Variants in IGF2 observed in about 807,000 individuals in gnomAD.
IGF2 encodes insulin like growth factor 2, also known as insulin-like growth factor 2.
In IGF2, 2 loss-of-function variants were observed where a neutral mutation model predicts 12.0. That is an observed-to-expected ratio of 0.17 (90% CI 0.07 to 0.52). The LOEUF (loss-of-function observed/expected upper bound fraction) is 0.52. Ranked by LOEUF, IGF2 falls within the 20% of genes least tolerant of loss-of-function variation. The probability of loss-of-function intolerance (pLI) is 0.95; values close to 1 mark genes in which losing one functional copy is unlikely to be tolerated. For missense variants in IGF2, 211 were observed against 268.0 expected, an observed-to-expected ratio of 0.79 and a Z score of 1.48; for synonymous variants, 105 against 110.1, an observed-to-expected ratio of 0.95 and a Z score of 0.29.
In IGF2 at chr11:2,133,482, C is replaced by A; in HGVS notation, c.306+35G>T. On this transcript the variant is annotated intron_variant, in intron 3 of 3. Coordinates refer to ENST00000416167, the MANE Select transcript of IGF2 (RefSeq NM_000612.6). This position sits in a 1 kb window ranked among gnomAD's most constrained non-coding sequence, Gnocchi z 8.9. ...GGCGCCCGAAGCCCTATTTCTCTGT[C>A]TCTAGAGAGTGGGAAAGGGGCCCAG... 6.3e-7 allele frequency: 1 copy of A among 1,595,266 alleles called. No homozygotes were observed. The highest frequency in any genetic ancestry group is 8.5e-7 in the Non-Finnish European group (1 of 1,171,428).
Position 2,138,223 on chromosome 11 carries a change from G to A in IGF2, c.-7+6C>T. On this transcript the variant is annotated splice_donor_region_variant and intron_variant, in intron 1 of 3. Coordinates refer to ENST00000416167, the MANE Select transcript of IGF2 (RefSeq NM_000612.6). Reference sequence around the variant, plus strand: ...GGCCCCGGCCCGGCCCGCACACGCCGCTTACCTGGAAGCCGGCGACGCTGC... The same window carrying A: ...GGCCCCGGCCCGGCCCGCACACGCCACTTACCTGGAAGCCGGCGACGCTGC... 4 of 984,840 alleles carry A rather than the reference G, an allele frequency of 4.1e-6. No homozygotes were observed. The highest frequency in any genetic ancestry group is 4.8e-6 in the Non-Finnish European group (4 of 829,716). 61.0% of individuals were successfully genotyped at this position (984,840 alleles called of 1,614,324 possible).
At chr11:2,145,761 T>G (rs1467633978), upstream of IGF2, among the ~76,000 whole-genome samples, 1 of 152,132 alleles carries the variant, frequency 6.6e-6, no homozygotes, top group African/African-American at 2.4e-5. Flanking sequence ...TGGGGCTGCC[T>G]GCTGAGTGCT....
the IGF2 span, chr11:2,149,566 C>T: frequency 3.3e-6 from 2 of 603,044 alleles, no homozygotes; most frequent in Non-Finnish European, 5.9e-6. Flanking sequence ...GCAGCTGGCT[C>T]AGGCACTTTC....
At chr11:2,147,160 C>T in the IGF2 span, 2 of 156,276 alleles carry the variant, frequency 1.3e-5, no homozygotes, top group African/African-American at 4.8e-5. The surrounding 1 kb of genome is among the most constrained non-coding windows in gnomAD (Gnocchi z 7.2). Flanking sequence ...TCTCACAGCC[C>T]CCAGCAGAGC....
Position 2,138,920 on chromosome 11 carries a change from G to A in IGF2, c.-698C>T, listed in dbSNP as rs1241423697. ...GGACCGCGGGCGCCCAGCTCGGTTT[G>A]GGCCGACGGAGCCCTCTGCCGTCGC... On this transcript the variant is annotated 5_prime_UTR_variant, in exon 1 of 4. Transcript: ENST00000416167. 2 of 984,674 alleles carry A rather than the reference G, an allele frequency of 2.0e-6. No individual in the cohort carries two copies. The highest frequency in any genetic ancestry group is 6.1e-5 in the Admixed American group (1 of 16,262). The allele number at this position is 984,674 out of a possible 1,614,324, so 61.0% of individuals were successfully genotyped here. A position where few individuals can be genotyped will look rare whatever the true frequency, so the allele number is the denominator to read the frequency against.
chr11:2,142,218 A>AT (rs1239966401), upstream of IGF2, among the ~76,000 whole-genome samples: 4 of 151,776 alleles, frequency 2.6e-5, no homozygotes, highest in Non-Finnish European at 5.9e-5. The surrounding 1 kb of genome is among the most constrained non-coding windows in gnomAD (Gnocchi z 5.7). Flanking sequence ...AAAAAAAAAA[A>AT]AACCTCAATT....
the IGF2 span, chr11:2,149,266 C>T: frequency 6.2e-7 from 1 of 1,613,786 alleles, no homozygotes; most frequent in South Asian, 1.1e-5. Flanking sequence ...CAGTCACCAC[C>T]AAAGCAGGGG....
chr11:2,130,712 A>G lies in IGF2; in HGVS notation c.*2275T>C. Reference sequence around the variant, plus strand: ...TGCAAGTCTGCTGTCAATCCTCCTGACTTTTCCATCCAAAATCTCCCGGGA... The same window carrying G: ...TGCAAGTCTGCTGTCAATCCTCCTGGCTTTTCCATCCAAAATCTCCCGGGA... On this transcript the variant is annotated 3_prime_UTR_variant, in exon 4 of 4. Coordinates refer to ENST00000416167, the MANE Select transcript of IGF2 (RefSeq NM_000612.6). 1 of 200,540 alleles carries G rather than the reference A, an allele frequency of 5.0e-6. No homozygotes were observed. 12.4% of individuals were successfully genotyped at this position (200,540 alleles called of 1,614,324 possible).
intron 1 of IGF2, among the ~76,000 whole-genome samples, chr11:2,136,180 C>G (rs1859033061): frequency 6.6e-6 from 1 of 152,220 alleles, no homozygotes; most frequent in African/African-American, 2.4e-5. Context: ...ATGGTTAACA[C>G]AACCACGCCA....
chr11:2,137,738 G>A (rs1458402571), intron 1 of IGF2, among the ~76,000 whole-genome samples: 1 of 152,160 alleles, frequency 6.6e-6, no homozygotes, highest in Non-Finnish European at 1.5e-5. Flanking sequence ...TGTGGCGTCT[G>A]CCATGACTCC....
chr11:2,149,455 A>G, the IGF2 span: 19 of 936,836 alleles, frequency 2.0e-5, no homozygotes, highest in South Asian at 3.0e-5. Context: ...AACTGAAATG[A>G]TGGGTTTACC....
Position 2,130,854 on chromosome 11 carries a change from T to C in IGF2, c.*2133A>G, listed in dbSNP as rs927688652. On this transcript the variant is annotated 3_prime_UTR_variant, in exon 4 of 4. Transcript: ENST00000416167. ...TGCACGGCCCCCGAGGACTCCACAT[T>C]TCTTGGGGGGTCCCCAGGAGACGGG... 6.9e-5 allele frequency: 12 copies of C among 173,224 alleles called. No homozygotes were observed. The highest frequency in any genetic ancestry group is 1.5e-4 in the African/African-American group (6 of 40,960). 10.7% of individuals were successfully genotyped at this position (173,224 alleles called of 1,614,324 possible).
chr11:2,133,298 C>G lies in IGF2; in HGVS notation c.307-75G>C. 8.8e-7 allele frequency: 1 copy of G among 1,135,796 alleles called. No homozygotes were observed. The highest frequency in any genetic ancestry group is 1.6e-5 in the African/African-American group (1 of 64,134). 70.4% of individuals were successfully genotyped at this position (1,135,796 alleles called of 1,614,324 possible). On this transcript the variant is annotated intron_variant, in intron 3 of 3. Coordinates refer to ENST00000416167, the MANE Select transcript of IGF2 (RefSeq NM_000612.6). This position sits in a 1 kb window ranked among gnomAD's most constrained non-coding sequence, Gnocchi z 8.9. ...CGCCTGAGCCGCCCGCCTGACCTGA[C>G]AGGCCACCCCTGTGACTGATCAGTG...
chr11:2,146,474 C>T, the IGF2 span: 2 of 511,910 alleles, frequency 3.9e-6, no homozygotes, highest in Non-Finnish European at 4.0e-6. Context: ...TGCAACCCTC[C>T]ACACCAGACA....
chr11:2,133,087 G>T lies in IGF2; in HGVS notation c.443C>A (p.Ala148Glu), dbSNP rs368814253. The T allele has an allele frequency of 1.2e-6, 2 of 1,607,858 alleles. No homozygotes were observed. The highest frequency in any genetic ancestry group is 1.7e-6 in the Non-Finnish European group (2 of 1,176,898). ...RGHVLAKELE[A>E]FREAKRHRPL... ...ACGGTGACGTTTGGCCTCCCTGAAC[G>T]CCTCGAGCTCCTTGGCGAGCACGTG... Residue 148 changes from alanine to glutamate, a missense_variant, in exon 4 of 4, where the codon GCG (alanine) becomes GAG (glutamate). Physicochemically the swap from Ala to Glu is moderately radical, Grantham distance 107 (BLOSUM62 -1). Coordinates refer to ENST00000416167, the MANE Select transcript of IGF2 (RefSeq NM_000612.6). The surrounding 1 kb of genome is among the most constrained non-coding windows in gnomAD (Gnocchi z 8.9).
At chr11:2,140,126 A>T (rs1005263841), upstream of IGF2, 1 of 1,611,828 alleles carries the variant, frequency 6.2e-7, no homozygotes. Flanking sequence ...AACACAGCTC[A>T]AATCCTACCT....
rs551471446 is a variant in IGF2 at position 2,130,436 on chromosome 11, C to T, written c.*2551G>A. Reference sequence around the variant, plus strand: ...AACAGGGACAGATGAAAAACAAAATCCAATCAGGGCGATAAATGGCGGGGG... The same window carrying T: ...AACAGGGACAGATGAAAAACAAAATTCAATCAGGGCGATAAATGGCGGGGG... On this transcript the variant is annotated 3_prime_UTR_variant, in exon 4 of 4. Transcript: ENST00000416167. 87 of 228,328 alleles carry T rather than the reference C, an allele frequency of 3.8e-4. No homozygotes were observed. Among genetic ancestry groups the T allele is most frequent in the Non-Finnish European group, 5.5e-4 (63 of 115,090 alleles). The allele number at this position is 228,328 out of a possible 1,614,324, so 14.1% of individuals were successfully genotyped here.
At chr11:2,142,149 T>C (rs753575335), upstream of IGF2, among the ~76,000 whole-genome samples, 1 of 151,216 alleles carries the variant, frequency 6.6e-6, no homozygotes, top group Non-Finnish European at 1.5e-5. The surrounding 1 kb of genome is among the most constrained non-coding windows in gnomAD (Gnocchi z 5.7). Flanking sequence ...GAACATTTTC[T>C]AAATGTAGGG....
upstream of IGF2, among the ~76,000 whole-genome samples, chr11:2,144,725 C>A (rs1859810568): frequency 7.2e-6 from 1 of 138,424 alleles, no homozygotes; most frequent in Admixed American, 7.4e-5. Context: ...TGGCGTTGGG[C>A]AATGTCGGGC....
Sources: allele counts gnomAD v4.1 joint callset (sites outside exome capture counted in the v4.1 genomes callset), GRCh38; gene constraint gnomAD v4.1.1; non-coding constraint Gnocchi (gnomAD v3.1); transcripts MANE v1.5; gene names NCBI Gene and HGNC (gene_info 2026-07-23, HGNC 2026-07-21).